Variants in ZNF99 observed in about 807,000 individuals in gnomAD.
The protein encoded by ZNF99 is zinc finger protein 99.
A neutral mutation model predicts 12.8 loss-of-function variants in ZNF99; 8 were observed. The ratio of observed to expected loss-of-function variants is 0.62; its 90% CI spans 0.37 to 1.13. ZNF99 has a LOEUF of 1.13. Ranked by LOEUF, ZNF99 falls within the 50% of genes most tolerant of loss-of-function variation. The probability of loss-of-function intolerance (pLI) is 0.02; values close to 1 mark genes in which losing one functional copy is unlikely to be tolerated. For synonymous variants in ZNF99, 318 were observed against 319.0 expected, an observed-to-expected ratio of 1.00 and a Z score of 0.03; for missense variants, 1,007 against 1,006.2, an observed-to-expected ratio of 1.00 and a Z score of -0.01.
chr19:22,758,129 T>G lies in ZNF99; in HGVS notation c.1780A>C (p.Lys594Gln), dbSNP rs754816974. The G allele has an allele frequency of 1.9e-6, 3 of 1,612,198 alleles. No homozygotes were observed. The highest frequency in any genetic ancestry group is 4.5e-5 in the East Asian group (2 of 44,754). Reference protein sequence around the residue: ...KAIHTGEKPYKCEECGKAFNH... With the variant: ...KAIHTGEKPYQCEECGKAFNH... ...AAAGCTTTGCCACATTCTTCACATT[T>G]GTAGGGTTTCTCCCCAGTATGAATT... The change falls in exon 4 of 4, where the codon AAA becomes CAA. Residue 594 changes from lysine to glutamine, a missense_variant. Physicochemically the swap from Lys to Gln is moderately conservative, Grantham distance 53. Transcript: ENST00000596209.
chr19:22,767,663 A>T (rs1296460661), intron 3 of ZNF99, among the ~76,000 whole-genome samples: 1 of 152,208 alleles, frequency 6.6e-6, no homozygotes, highest in Non-Finnish European at 1.5e-5. Flanking sequence ...GCAACATAAC[A>T]GTTGCAGACA....
At chr19:22,769,132 C>G in intron 2 of ZNF99, 66 bp downstream of exon 2, 1 of 1,513,774 alleles carries the variant, frequency 6.6e-7, no homozygotes, top group Non-Finnish European at 8.9e-7. Context: ...CAAAACACAT[C>G]CTACAGAAAA....
chr19:22,763,289 CA>C (rs1973169194), intron 3 of ZNF99, among the ~76,000 whole-genome samples: 1 of 152,008 alleles, frequency 6.6e-6, no homozygotes, highest in African/African-American at 2.4e-5. Context: ...GCAAAGTTTT[CA>C]GATACAAAAT....
Position 22,765,454 on chromosome 19 carries a change from A to C in ZNF99, c.226+2851T>G, listed in dbSNP as rs796429415. 6.4e-4 allele frequency among the ~76,000 whole-genome samples: 98 copies of C among 152,122 alleles called. 1 individual carries two copies. The highest frequency in any genetic ancestry group is 2.2e-3 in the African/African-American group (91 of 41,492). ...CTAAAGAACTTACTCATGTAACCAA[A>C]CACCACTTGTACCTCAATAACTTAT... On this transcript the variant is annotated intron_variant, in intron 3 of 3. Coordinates refer to ENST00000596209, the MANE Select transcript of ZNF99 (RefSeq NM_001080409.3).
intron 3 of ZNF99, among the ~76,000 whole-genome samples, chr19:22,764,654 C>A (rs1218711515): frequency 6.6e-6 from 1 of 151,596 alleles, no homozygotes; most frequent in African/African-American, 2.4e-5. Context: ...AAAAAAATCC[C>A]ATCAAAACTG....
At chr19:22,783,455 T>C (rs1973413258) in intron 1 of ZNF99, among the ~76,000 whole-genome samples, 1 of 152,184 alleles carries the variant, frequency 6.6e-6, no homozygotes, top group African/African-American at 2.4e-5. Context: ...TAACTGTACA[T>C]AACCCATTAC....
At chr19:22,762,813 T>C (rs754900336) in intron 3 of ZNF99, among the ~76,000 whole-genome samples, 2 of 152,180 alleles carry the variant, frequency 1.3e-5, no homozygotes, top group Non-Finnish European at 2.9e-5. Flanking sequence ...ATACCAGTGA[T>C]GCAGGGATGG....
rs57897430 is a variant in ZNF99 at position 22,755,561 on chromosome 19, T to G, written c.*1753A>C. 23,938 of 299,104 alleles carry G rather than the reference T, an allele frequency of 0.08. 1,002 individuals carry two copies. Among genetic ancestry groups the G allele is most frequent in the Admixed American group, 0.093 (2,238 of 24,164 alleles). 18.5% of individuals were successfully genotyped at this position (299,104 alleles called of 1,614,324 possible). A position where few individuals can be genotyped will look rare whatever the true frequency, so the allele number is the denominator to read the frequency against. On this transcript the variant is annotated 3_prime_UTR_variant, in exon 4 of 4. Coordinates refer to ENST00000596209, the MANE Select transcript of ZNF99 (RefSeq NM_001080409.3). Reference sequence around the variant, plus strand: ...AAGTATCTCTCCAGTATGAATTATCTTATGTTCAGTAAGTTTTGAGAAGCA... The same window carrying G: ...AAGTATCTCTCCAGTATGAATTATCGTATGTTCAGTAAGTTTTGAGAAGCA...
intron 1 of ZNF99, among the ~76,000 whole-genome samples, chr19:22,773,152 G>A (rs554382383): frequency 1.1e-4 from 17 of 152,270 alleles, no homozygotes; most frequent in South Asian, 4.2e-4. Flanking sequence ...CATATTTAGG[G>A]GACAGCATGC....
intron 1 of ZNF99, among the ~76,000 whole-genome samples, chr19:22,779,313 CAGG>C: frequency 6.6e-6 from 1 of 152,218 alleles, no homozygotes; most frequent in Non-Finnish European, 1.5e-5. Context: ...ATCAAAAGGT[CAGG>C]AGTTCGAGAC....
In ZNF99 at chr19:22,756,237, G is replaced by C; in HGVS notation, c.*1077C>G. Reference sequence around the variant, plus strand: ...TTCTCCCCAGTATGAATTATCTTATGTTTAGTAAGGGCTGAAAGATGGTTA... The same window carrying C: ...TTCTCCCCAGTATGAATTATCTTATCTTTAGTAAGGGCTGAAAGATGGTTA... On this transcript the variant is annotated 3_prime_UTR_variant, in exon 4 of 4. Transcript: ENST00000596209. 6.4e-7 allele frequency: 1 copy of C among 1,565,798 alleles called. No individual in the cohort carries two copies. The highest frequency in any genetic ancestry group is 8.6e-7 in the Non-Finnish European group (1 of 1,156,494).
rs183240953 is a variant in ZNF99, at chr19:22,759,490, G to T, written c.419C>A (p.Thr140Asn). The change falls in exon 4 of 4, where the codon ACC (threonine) becomes AAC (asparagine). Residue 140 changes from threonine to asparagine, a missense_variant. Thr to Asn is a moderately conservative substitution (Grantham distance 65, BLOSUM62 0). Transcript: ENST00000596209. Reference sequence around the variant, plus strand: ...GTTACACTGAAATATTTTTCCCTGGGTAGTTGTCCAACATTGGTTAAGTTT... The same window carrying T: ...GTTACACTGAAATATTTTTCCCTGGTTAGTTGTCCAACATTGGTTAAGTTT... ...YNKLNQCWTT[T>N]QGKIFQCNKY... The T allele has an allele frequency of 3.7e-6, 6 of 1,606,756 alleles. No individual in the cohort carries two copies. The highest frequency in any genetic ancestry group is 4.2e-6 in the Non-Finnish European group (5 of 1,177,686).
rs61754908 is a variant in ZNF99 at position 22,755,628 on chromosome 19, C to T, written c.*1686G>A. 7.1e-6 allele frequency: 2 copies of T among 280,250 alleles called. No homozygotes were observed. The highest frequency in any genetic ancestry group is 8.3e-5 in the South Asian group (2 of 24,170). 17.4% of individuals were successfully genotyped at this position (280,250 alleles called of 1,614,324 possible). On this transcript the variant is annotated 3_prime_UTR_variant, in exon 4 of 4. Transcript: ENST00000596209. The stretch of plus-strand genomic sequence containing the variant: ...AATTCTTTAAATTTGTAGTGTTCCT[C>T]TCCAAGATAAATTATTTTATGTTGA...
intron 3 of ZNF99, among the ~76,000 whole-genome samples, chr19:22,768,003 T>C (rs913414224): frequency 6.6e-6 from 1 of 152,180 alleles, no homozygotes; most frequent in African/African-American, 2.4e-5. Flanking sequence ...ATACAGATAT[T>C]TGTGTGTCCC....
chr19:22,783,315 T>A (rs1973411327), intron 1 of ZNF99, among the ~76,000 whole-genome samples: 1 of 121,456 alleles, frequency 8.2e-6, no homozygotes, highest in East Asian at 2.2e-4. Flanking sequence ...ATAATTCAAG[T>A]GCTTTTTTTT....
chr19:22,759,235 T>C lies in ZNF99; in HGVS notation c.674A>G (p.Glu225Gly), dbSNP rs1376372105. 3.9e-6 allele frequency: 6 copies of C among 1,557,910 alleles called. No homozygotes were observed. Among genetic ancestry groups the C allele is most frequent in the East Asian group, 4.8e-5 (2 of 41,606 alleles). Residue 225 changes from glutamate to glycine, a missense_variant, in exon 4 of 4, where the codon GAA becomes GGA. Physicochemically the swap from Glu to Gly is moderately conservative, Grantham distance 98 (BLOSUM62 -2). Transcript: ENST00000596209. The stretch of plus-strand genomic sequence containing the variant: ...TTTCTTATATTTGTAGGGTTTGTCT[T>C]CAGTATGAATTATCTTATGTTTAAT... ...TLIKHKIIHT[E>G]DKPYKYKKCG...
At position 22,769,288 on chromosome 19, in the gene ZNF99, C is replaced by A. The variant is rs201519928; in HGVS notation, c.40G>T (p.Ala14Ser). 28 of 1,608,790 alleles carry A rather than the reference C, an allele frequency of 1.7e-5. No individual in the cohort carries two copies. Among genetic ancestry groups the A allele is most frequent in the East Asian group, 2.2e-5 (1 of 44,656 alleles). ...TCCAGGCATTGCCACTCCTCCAGAG[C>A]GAATTCTATGGTCACATCCCAAAAT... ...LTFWDVTIEF[A>S]LEEWQCLDMA... The change falls in exon 2 of 4, where the codon GCT becomes TCT. Residue 14 changes from alanine (A) to serine (S), a missense_variant. Coordinates refer to ENST00000596209, the MANE Select transcript of ZNF99 (RefSeq NM_001080409.3).
intron 1 of ZNF99, chr19:22,774,368 A>T (rs1843439630): frequency 6.5e-6 from 1 of 152,828 alleles, no homozygotes; most frequent in African/African-American, 2.4e-5. Context: ...TCTCCTAGCC[A>T]TTGAATGGGG....
intron 1 of ZNF99, chr19:22,770,332 A>C (rs1275568228): frequency 6.4e-6 from 1 of 155,132 alleles, no homozygotes; most frequent in African/African-American, 2.4e-5. Context: ...AAAATAGTTA[A>C]CTCTATACTG....
Sources: allele counts gnomAD v4.1 joint callset (sites outside exome capture counted in the v4.1 genomes callset), GRCh38; gene constraint gnomAD v4.1.1; transcripts MANE v1.5; gene names NCBI Gene and HGNC (gene_info 2026-07-23, HGNC 2026-07-21).